The following DECR1 variants were observed in gnomAD, a reference collection of about 807,000 sequenced individuals.
DECR1 encodes 2,4-dienoyl-CoA reductase 1.
Under a neutral mutation model 38.8 loss-of-function variants are expected in DECR1, and 44 were observed. The ratio of observed to expected loss-of-function variants is 1.13; its 90% CI spans 0.89 to 1.46. The LOEUF is 1.46. DECR1 is among the 40% of genes most tolerant of loss of function. DECR1 has a pLI of 0.00. For synonymous variants in DECR1, 148 were observed against 135.2 expected (o/e 1.09, Z -0.66); for missense variants, 428 against 405.5 (o/e 1.06, Z -0.48).
At chr8:90,015,544 ATGAAC>A in intron 1 of DECR1, 1 of 405,238 alleles carries the variant, frequency 2.5e-6, no homozygotes, top group South Asian at 1.8e-5. Flanking sequence ...TTTCCAGGTG[ATGAAC>A]AGCCTCCTTC....
At chr8:90,016,005 T>G (rs947578189) in intron 1 of DECR1, among the ~76,000 whole-genome samples, 4 of 152,222 alleles carry the variant, frequency 2.6e-5, no homozygotes, top group Non-Finnish European at 4.4e-5. Flanking sequence ...CTCCTATTGT[T>G]CATTATATTA....
chr8:90,026,838 T>C (rs1247939736), intron 5 of DECR1, among the ~76,000 whole-genome samples: 1 of 152,226 alleles, frequency 6.6e-6, no homozygotes, highest in Admixed American at 6.5e-5. Flanking sequence ...AGATCTTCCC[T>C]GCTTTCTCTT....
In DECR1 at chr8:90,019,103, T is replaced by A; in HGVS notation, c.348T>A (p.Cys116Ter). 6.2e-7 allele frequency: 1 copy of A among 1,614,166 alleles called. No individual in the cohort carries two copies. The highest frequency in any genetic ancestry group is 8.5e-7 in the Non-Finnish European group (1 of 1,180,012). The change falls in exon 4 of 10, where the codon TGT (cysteine) becomes TGA (stop). Residue 116 changes from cysteine to a stop codon, truncating the protein, a stop_gained. Transcript: ENST00000220764. LOFTEE classifies it high-confidence loss of function. Reference protein sequence around the residue: ...QTGNKVHAIQCDVRDPDMVQN... With the variant: ...QTGNKVHAIQ ...TTTTGCAGGTTCATGCAATTCAGTG[T>A]GATGTGAGGGATCCTGATATGGTTC... is the stretch of plus-strand genomic sequence containing the variant.
Position 90,047,953 on chromosome 8 carries a change from G to T in DECR1, c.885+2958G>T, listed in dbSNP as rs183993079. On this transcript the variant is annotated intron_variant, in intron 8 of 9. Transcript: ENST00000220764. ...ATGACTACTGGGTACATAACGAAAT[G>T]AAGGCAGAAATAAAGATGTTCTTTG... is the stretch of plus-strand genomic sequence containing the variant. Among the ~76,000 whole-genome samples the T allele has an allele frequency of 5.9e-3, 901 of 152,308 alleles. 4 individuals carry two copies. Among genetic ancestry groups the T allele is most frequent in the Middle Eastern group, 0.02 (6 of 294 alleles).
At chr8:90,017,888 T>C (rs977632566) in intron 2 of DECR1, among the ~76,000 whole-genome samples, 4 of 152,224 alleles carry the variant, frequency 2.6e-5, no homozygotes, top group African/African-American at 9.7e-5. Context: ...ATTTTATTTT[T>C]TATTTTTTGT....
chr8:90,043,068 G>T (rs948322179), intron 7 of DECR1, among the ~76,000 whole-genome samples: 2 of 151,964 alleles, frequency 1.3e-5, no homozygotes, highest in Admixed American at 6.6e-5. Flanking sequence ...TTGGCACTTT[G>T]TCTGATTTGT....
At chr8:90,038,536 G>A (rs111567464) in intron 6 of DECR1, among the ~76,000 whole-genome samples, 37 of 133,978 alleles carry the variant, frequency 2.8e-4, no homozygotes, top group African/African-American at 9.1e-4. Context: ...TTGGCTCACC[G>A]CAACCTGTGC....
intron 5 of DECR1, among the ~76,000 whole-genome samples, chr8:90,031,480 T>C (rs1207376465): frequency 6.6e-6 from 1 of 152,170 alleles, no homozygotes; most frequent in African/African-American, 2.4e-5. Context: ...GCAGCCTACA[T>C]GAGGGACATA....
intron 6 of DECR1, among the ~76,000 whole-genome samples, chr8:90,039,594 C>G (rs1367286380): frequency 6.6e-6 from 1 of 152,144 alleles, no homozygotes; most frequent in Non-Finnish European, 1.5e-5. Context: ...TGTCACCATC[C>G]TACCTTCTTA....
At chr8:90,005,343 A>G (rs943630960) in intron 1 of DECR1, 2 of 456,210 alleles carry the variant, frequency 4.4e-6, no homozygotes, top group Non-Finnish European at 8.8e-6. Flanking sequence ...CCTGCTGTCA[A>G]GAAGCATAGA....
At chr8:90,023,086 T>C (rs1366403159) in intron 5 of DECR1, among the ~76,000 whole-genome samples, 1 of 152,186 alleles carries the variant, frequency 6.6e-6, no homozygotes. Context: ...GGATCGACAG[T>C]CAAGGAACTG....
intron 1 of DECR1, among the ~76,000 whole-genome samples, chr8:90,009,514 T>TA (rs533070210): frequency 0.016 from 2,434 of 151,900 alleles, 64 homozygotes; most frequent in African/African-American, 0.055. Context: ...TTTTTTTTTT[T>TA]ACTGCCGTAC....
chr8:90,045,131 ATAT>A (rs1474604246), intron 8 of DECR1, 136 bp downstream of exon 8: 15 of 651,246 alleles, frequency 2.3e-5, no homozygotes, highest in Non-Finnish European at 3.7e-5. Flanking sequence ...ATAATATAAA[ATAT>A]TATATATATT....
intron 1 of DECR1, among the ~76,000 whole-genome samples, chr8:90,008,116 C>T (rs1188092050): frequency 1.3e-5 from 2 of 152,234 alleles, no homozygotes; most frequent in African/African-American, 2.4e-5. Context: ...ATATCTCTAC[C>T]TGACTATTCC....
chr8:90,020,042 CTA>C (rs1301307595), intron 4 of DECR1, among the ~76,000 whole-genome samples: 2 of 152,172 alleles, frequency 1.3e-5, no homozygotes, highest in African/African-American at 4.8e-5. Context: ...ACATGAAAAA[CTA>C]TAAGAAATTC....
At chr8:90,028,816 C>G (rs1039715948) in intron 5 of DECR1, among the ~76,000 whole-genome samples, 1 of 149,950 alleles carries the variant, frequency 6.7e-6, no homozygotes, top group Non-Finnish European at 1.5e-5. Flanking sequence ...TTGTATCAGG[C>G]TTTGTTCTAA....
intron 5 of DECR1, chr8:90,030,406 A>G (rs1048898563): frequency 6.6e-6 from 1 of 152,210 alleles, no homozygotes; most frequent in African/African-American, 2.4e-5. Flanking sequence ...AGGGTGCATT[A>G]CTTCTGCCCT....
At chr8:90,048,069 A>G (rs945593572) in intron 8 of DECR1, among the ~76,000 whole-genome samples, 1 of 152,250 alleles carries the variant, frequency 6.6e-6, no homozygotes, top group African/African-American at 2.4e-5. Flanking sequence ...CTAAATGCCC[A>G]CAAGAGAAAG....
chr8:90,044,611 G>A (rs558828282), intron 7 of DECR1, among the ~76,000 whole-genome samples: 4 of 152,202 alleles, frequency 2.6e-5, no homozygotes, highest in Admixed American at 6.5e-5. Flanking sequence ...TAACAATTTT[G>A]TGAGGTAACT....
Sources: gnomAD v4.1 joint callset for allele counts (sites outside exome capture counted in the v4.1 genomes callset) on GRCh38, gnomAD v4.1.1 for gene constraint, MANE v1.5 for transcripts, NCBI Gene and HGNC (gene_info 2026-07-23, HGNC 2026-07-21) for gene names.